The following CFAP92 variants were observed in gnomAD, a reference collection of about 807,000 sequenced individuals.
CFAP92 encodes uncharacterized protein CFAP92.
Under a neutral mutation model 106.3 loss-of-function variants are expected in CFAP92, and 86 were observed. The ratio of observed to expected loss-of-function variants is 0.81; its 90% confidence interval spans 0.68 to 0.97. The LOEUF is 0.97. Among genes scored for constraint, CFAP92 ranks in the 50% least tolerant of loss-of-function variants. The probability of loss-of-function intolerance (pLI) is 0.00; values close to 1 mark genes in which losing one functional copy is unlikely to be tolerated. For missense variants in CFAP92, 1,204 were observed against 1,283.8 expected, an observed-to-expected ratio of 0.94 and a Z score of 0.95; for synonymous variants, 477 against 506.4, an observed-to-expected ratio of 0.94 and a Z score of 0.78.
chr3:128,923,527 A>G (rs1482240420), intron 12 of CFAP92, among the ~76,000 whole-genome samples: 1 of 152,218 alleles, frequency 6.6e-6, no homozygotes, highest in Non-Finnish European at 1.5e-5. Flanking sequence ...GAAGTTGCAG[A>G]AGATGGACCT....
chr3:129,006,879 A>G (rs1358593106), upstream of CFAP92, among the ~76,000 whole-genome samples: 1 of 152,066 alleles, frequency 6.6e-6, no homozygotes, highest in Non-Finnish European at 1.5e-5. Context: ...ACCTGCCCCA[A>G]AGCTCTCACT....
chr3:128,950,571 C>T (rs774697250), intron 9 of CFAP92, among the ~76,000 whole-genome samples: 3 of 152,226 alleles, frequency 2.0e-5, no homozygotes, highest in Non-Finnish European at 4.4e-5. Flanking sequence ...ACTCACAGAA[C>T]TCAGCATGGG....
At chr3:128,950,361 C>A (rs1172238183) in intron 9 of CFAP92, among the ~76,000 whole-genome samples, 1 of 152,238 alleles carries the variant, frequency 6.6e-6, no homozygotes, top group Non-Finnish European at 1.5e-5. Context: ...TAGGTCTGTG[C>A]TCTCTCAGCC....
intron 12 of CFAP92, among the ~76,000 whole-genome samples, chr3:128,927,225 CAG>C (rs1937760135): frequency 6.6e-6 from 1 of 152,076 alleles, no homozygotes; most frequent in African/African-American, 2.4e-5. Context: ...CCGAACTTGT[CAG>C]ACTCTTAATT....
rs917547961 is a variant in CFAP92 at position 128,912,535 on chromosome 3, TAAGA to T, written c.3281-2206_3281-2203del. The T allele has an allele frequency of 2.1e-5, 34 of 1,613,986 alleles. No homozygotes were observed. Among genetic ancestry groups the T allele is most frequent in the African/African-American group, 2.7e-5 (2 of 74,896 alleles). ...CTCCAGAAAACCTAGATGAGCAGAT[TAAGA>T]AAGTGTCCCAGCAGATCCTTGAGAA... On this transcript the variant is annotated intron_variant, in intron 15 of 15. Coordinates refer to ENST00000645291, the MANE Select transcript of CFAP92 (RefSeq NM_001394090.1).
chr3:128,963,274 G>A lies in CFAP92; in HGVS notation c.1353+2237C>T, dbSNP rs546768543. On this transcript the variant is annotated intron_variant, in intron 9 of 15. Transcript: ENST00000645291. ...GGTCAGAATTCTTAAACAAGAGCCA[G>A]GACCACACCGTGTAGCCTTTCTGTC... Among the ~76,000 whole-genome samples, 731 of 151,942 alleles carry A rather than the reference G, an allele frequency of 4.8e-3. 10 individuals carry two copies. In the East Asian group the frequency reaches 0.056, roughly 12 times the overall value.
intron 12 of CFAP92, among the ~76,000 whole-genome samples, chr3:128,925,389 C>T (rs1032105712): frequency 2.0e-5 from 3 of 152,198 alleles, no homozygotes; most frequent in African/African-American, 7.2e-5. Flanking sequence ...CCACTCTCAC[C>T]TCCTGTTGTG....
chr3:128,999,271 G>T (rs1321801086), intron 1 of CFAP92, among the ~76,000 whole-genome samples: 2 of 152,210 alleles, frequency 1.3e-5, no homozygotes, highest in Non-Finnish European at 2.9e-5. Flanking sequence ...TTTCAGAGGT[G>T]CCTGGTAACA....
At chr3:129,003,935 G>T (rs750952003), upstream of CFAP92, 9 of 1,391,430 alleles carry the variant, frequency 6.5e-6, no homozygotes, top group South Asian at 1.4e-4. Context: ...TGGCCAGGCC[G>T]AGGTGCGGCG....
At chr3:128,981,761 G>T (rs189542931) in intron 4 of CFAP92, among the ~76,000 whole-genome samples, 1 of 152,302 alleles carries the variant, frequency 6.6e-6, no homozygotes, top group Admixed American at 6.5e-5. Flanking sequence ...TGATCCACAG[G>T]CTGTAGCATG....
At chr3:128,997,059 C>T (rs904933220), upstream of CFAP92, among the ~76,000 whole-genome samples, 1 of 152,200 alleles carries the variant, frequency 6.6e-6, no homozygotes, top group Admixed American at 6.5e-5. Flanking sequence ...TGAGGCTGGC[C>T]CCACTTCAAG....
intron 10 of CFAP92, among the ~76,000 whole-genome samples, chr3:128,940,378 C>CTG (rs1412228432): frequency 6.6e-6 from 1 of 152,152 alleles, no homozygotes; most frequent in Non-Finnish European, 1.5e-5. Context: ...TATGGGAACT[C>CTG]TGTGTTTAAT....
intron 11 of CFAP92, among the ~76,000 whole-genome samples, chr3:128,933,863 C>A (rs1039129940): frequency 6.6e-6 from 1 of 152,168 alleles, no homozygotes; most frequent in Non-Finnish European, 1.5e-5. Context: ...CTCTTAGCCC[C>A]GACCAAGTTC....
At chr3:128,953,588 T>TCCCTCC (rs1559891469) in intron 9 of CFAP92, among the ~76,000 whole-genome samples, 3 of 114,246 alleles carry the variant, frequency 2.6e-5, no homozygotes, top group Admixed American at 8.0e-5. Context: ...CCTCTCCCTC[T>TCCCTCC]CCCTCTCCCT....
rs777341149 is a variant in CFAP92, at chr3:128,935,306, C to G, written c.2272G>C (p.Glu758Gln). Residue 758 changes from glutamate to glutamine, a missense_variant, in exon 11 of 16, where the codon GAA (glutamate) becomes CAA (glutamine). Physicochemically the swap from Glu to Gln is conservative, Grantham distance 29. Transcript: ENST00000645291. ...TACAGCACCTTGTATTTCCTGTGTTCTGACCTGGGAATCCTGCAAGAGACA... is the reference window on the plus strand; with the variant it reads ...TACAGCACCTTGTATTTCCTGTGTTGTGACCTGGGAATCCTGCAAGAGACA... ...ENHQSWIPRS[E>Q]HRKYKVLYNS... The G allele has an allele frequency of 4.0e-6, 6 of 1,512,738 alleles. No homozygotes were observed. The highest frequency in any genetic ancestry group is 2.8e-5 in the African/African-American group (2 of 72,556). The allele number at this position is 1,512,738 out of a possible 1,614,324, so 93.7% of individuals were successfully genotyped here.
Position 128,971,276 on chromosome 3 carries a change from G to A in CFAP92, c.1168+11C>T, listed in dbSNP as rs565607900. Reference sequence around the variant, plus strand: ...GCAGGAGCTGCTGGGAACAGGGCAAGCAGTGGGTACCGGCAAGGAGCGGCA... The same window carrying A: ...GCAGGAGCTGCTGGGAACAGGGCAAACAGTGGGTACCGGCAAGGAGCGGCA... On this transcript the variant is annotated intron_variant, in intron 8 of 15. Transcript: ENST00000645291. The A allele has an allele frequency of 1.2e-6, 2 of 1,613,794 alleles. No homozygotes were observed. Among genetic ancestry groups the A allele is most frequent in the Admixed American group, 1.7e-5 (1 of 59,978 alleles).
the CFAP92 span, among the ~76,000 whole-genome samples, chr3:129,020,871 T>C: frequency 6.6e-6 from 1 of 152,136 alleles, no homozygotes; most frequent in Non-Finnish European, 1.5e-5. Flanking sequence ...TGGGGCATGG[T>C]CCAGTGTGCT....
At chr3:129,022,502 G>GTA in the CFAP92 span, among the ~76,000 whole-genome samples, 1 of 152,208 alleles carries the variant, frequency 6.6e-6, no homozygotes, top group African/African-American at 2.4e-5. Flanking sequence ...TTGTCAGATT[G>GTA]TATAAGCCCC....
At position 128,928,624 on chromosome 3, in the gene CFAP92, T is replaced by C. The variant is rs540734800; in HGVS notation, c.2751+4076A>G. Among the ~76,000 whole-genome samples, 11 of 152,290 alleles carry C rather than the reference T, an allele frequency of 7.2e-5. No homozygotes were observed. The South Asian group carries it at 2.3e-3, about 32-fold the overall frequency. ...GGATATCCATATGCAAAAAGATTAA[T>C]TTAGACCCTTACATTGGACCTCAAA... On this transcript the variant is annotated intron_variant, in intron 12 of 15. Transcript: ENST00000645291.
Sources: gnomAD v4.1 joint callset for allele counts (sites outside exome capture counted in the v4.1 genomes callset) on GRCh38, gnomAD v4.1.1 for gene constraint, MANE v1.5 for transcripts, NCBI Gene and HGNC (gene_info 2026-07-23, HGNC 2026-07-21) for gene names.